ITGAL: variants seen among roughly 807,000 people sequenced by gnomAD.
ITGAL encodes integrin alpha-L.
ITGAL carries 68 observed loss-of-function variants against 138.4 expected under a neutral mutation model. The observed-to-expected ratio is 0.49, with a 90% CI of 0.40 to 0.60. The LOEUF is 0.60. ITGAL is among the 20% of genes least tolerant of loss of function. The probability of loss-of-function intolerance (pLI) is 0.00; values close to 1 mark genes in which losing one functional copy is unlikely to be tolerated. For missense variants in ITGAL, 1,256 were observed against 1,478.6 expected, an observed-to-expected ratio of 0.85 and a Z score of 2.47; for synonymous variants, 561 against 584.3, an observed-to-expected ratio of 0.96 and a Z score of 0.57.
chr16:30,520,045 G>A (rs2051230239), intron 30 of ITGAL, 78 bp downstream of exon 30: 1 of 1,098,190 alleles, frequency 9.1e-7, no homozygotes, highest in South Asian at 1.3e-5. Flanking sequence ...CCAGGGAGGA[G>A]AATACCAAGC....
In ITGAL at chr16:30,521,749, T is replaced by C; in HGVS notation, c.*84T>C. Reference sequence around the variant, plus strand: ...CTGCCTCTGCCTGCATTCTGCCGTGTGCCCTCGGGCGAGTCACTGCCTCTC... The same window carrying C: ...CTGCCTCTGCCTGCATTCTGCCGTGCGCCCTCGGGCGAGTCACTGCCTCTC... On this transcript the variant is annotated 3_prime_UTR_variant, in exon 31 of 31. Coordinates refer to ENST00000356798, the MANE Select transcript of ITGAL (RefSeq NM_002209.3). 1.4e-6 allele frequency: 2 copies of C among 1,391,068 alleles called. No homozygotes were observed. The highest frequency in any genetic ancestry group is 1.3e-5 in the South Asian group (1 of 75,802). The allele number at this position is 1,391,068 out of a possible 1,614,324, so 86.2% of individuals were successfully genotyped here.
At position 30,506,788 on chromosome 16, in the gene ITGAL, G is replaced by A; in HGVS notation, c.2440G>A (p.Ala814Thr). 1 of 1,613,910 alleles carries A rather than the reference G, an allele frequency of 6.2e-7. No homozygotes were observed. The highest frequency in any genetic ancestry group is 8.5e-7 in the Non-Finnish European group (1 of 1,179,910). Reference sequence around the variant, plus strand: ...GAGCCTGAGTAACTTGGAAGAAGATGCTTACTGGGTCCAGCTGGACCTGCA... The same window carrying A: ...GAGCCTGAGTAACTTGGAAGAAGATACTTACTGGGTCCAGCTGGACCTGCA... ...ELSLSNLEED[A>T]YWVQLDLHFP... The change falls in exon 21 of 31, where the codon GCT becomes ACT. Residue 814 changes from alanine to threonine, a missense_variant. Physicochemically the swap from Ala to Thr is moderately conservative, Grantham distance 58. Around this residue, in one of 3 missense-constraint regions of ITGAL, gnomAD observed 867 missense variants for 972.5 expected, o/e 0.89. Transcript: ENST00000356798.
Position 30,494,112 on chromosome 16 carries a change from C to A in ITGAL, c.1214-100C>A. ...GGTCTTCAGCTGTTTCCATGCATCT[C>A]TGCTACTAACCCAATTCCCTGGGGC... On this transcript the variant is annotated intron_variant, in intron 11 of 30. Coordinates refer to ENST00000356798, the MANE Select transcript of ITGAL (RefSeq NM_002209.3). This position sits in a 1 kb window ranked among gnomAD's most constrained non-coding sequence, Gnocchi z 4.2. The A allele has an allele frequency of 9.8e-7, 1 of 1,021,004 alleles. No individual in the cohort carries two copies. The highest frequency in any genetic ancestry group is 1.4e-6 in the Non-Finnish European group (1 of 694,656). 63.2% of individuals were successfully genotyped at this position (1,021,004 alleles called of 1,614,324 possible). A position where few individuals can be genotyped will look rare whatever the true frequency, so the allele number is the denominator to read the frequency against.
At chr16:30,513,748 T>C (rs766162404) in intron 24 of ITGAL, 23 bp from the exon 25 acceptor site, 1 of 1,600,404 alleles carries the variant, frequency 6.2e-7, no homozygotes, top group African/African-American at 1.3e-5. Context: ...CGTTCTTCCA[T>C]CGCTGCCCTT....
intron 9 of ITGAL, among the ~76,000 whole-genome samples, chr16:30,484,470 G>A (rs1344093372): frequency 1.3e-5 from 2 of 151,588 alleles, no homozygotes; most frequent in East Asian, 2.0e-4. Flanking sequence ...ATAGCCAGGT[G>A]TGGTGGTGGG....
At chr16:30,511,803 A>G (rs1220295021) in intron 24 of ITGAL, among the ~76,000 whole-genome samples, 1 of 152,232 alleles carries the variant, frequency 6.6e-6, no homozygotes, top group East Asian at 1.9e-4. Context: ...TGGGTTTGTA[A>G]CTGAACTCTG....
At chr16:30,492,268 T>C (rs2050733990) in intron 11 of ITGAL, among the ~76,000 whole-genome samples, 1 of 151,684 alleles carries the variant, frequency 6.6e-6, no homozygotes. Context: ...TTTTTTTTTT[T>C]TTGAGACTGA....
chr16:30,517,865 C>A lies in ITGAL; in HGVS notation c.3102C>A (p.Ile1034=), dbSNP rs766847705. The A allele has an allele frequency of 6.2e-7, 1 of 1,614,078 alleles. No individual in the cohort carries two copies. Among genetic ancestry groups the A allele is most frequent in the South Asian group, 1.1e-5 (1 of 91,080 alleles). The change falls in exon 28 of 31, where the codon ATC becomes ATA. Residue 1034 remains isoleucine, a synonymous_variant. Transcript: ENST00000356798. ...GGCAGGAGATCCTCGTCCAAGTGAT[C>A]GGGACTCTGGAGCTGGTGGGAGAGA... ...VFRQEILVQV[I]GTLELVGEIE...
At chr16:30,482,175 G>A (rs1174866357) in intron 7 of ITGAL, among the ~76,000 whole-genome samples, 1 of 152,130 alleles carries the variant, frequency 6.6e-6, no homozygotes. Context: ...GATTACAGGT[G>A]TGAGTCACCA....
chr16:30,516,391 G>A (rs1244021807), intron 25 of ITGAL, among the ~76,000 whole-genome samples: 2 of 151,956 alleles, frequency 1.3e-5, no homozygotes, highest in African/African-American at 4.8e-5. Context: ...CACCACACCT[G>A]GCTAATTTTT....
intron 11 of ITGAL, among the ~76,000 whole-genome samples, chr16:30,489,742 C>T (rs1226520910): frequency 6.6e-6 from 1 of 151,976 alleles, no homozygotes; most frequent in Non-Finnish European, 1.5e-5. Context: ...TCAAGACCAG[C>T]ATGGCCAACA....
At chr16:30,493,590 A>G (rs1394797975) in intron 11 of ITGAL, among the ~76,000 whole-genome samples, 1 of 151,980 alleles carries the variant, frequency 6.6e-6, no homozygotes, top group Non-Finnish European at 1.5e-5. Flanking sequence ...ATTTTAATTT[A>G]TTATTTAAGA....
At chr16:30,510,141 G>A (rs1429362759) in intron 21 of ITGAL, among the ~76,000 whole-genome samples, 2 of 152,040 alleles carry the variant, frequency 1.3e-5, no homozygotes, top group Non-Finnish European at 2.9e-5. Flanking sequence ...CAGCCTCCCT[G>A]AGTGCTGGGA....
At position 30,494,144 on chromosome 16, in the gene ITGAL, C is replaced by T; in HGVS notation, c.1214-68C>T. 1 of 1,438,302 alleles carries T rather than the reference C, an allele frequency of 7.0e-7. No homozygotes were observed. Among genetic ancestry groups the T allele is most frequent in the Non-Finnish European group, 9.4e-7 (1 of 1,059,690 alleles). The allele number at this position is 1,438,302 out of a possible 1,614,324, so 89.1% of individuals were successfully genotyped here. On this transcript the variant is annotated intron_variant, in intron 11 of 30. Transcript: ENST00000356798. This position sits in a 1 kb window ranked among gnomAD's most constrained non-coding sequence, Gnocchi z 4.2. ...TAACCCAATTCCCTGGGGCCCCTGC[C>T]CCTCTCCTGCTGGGTGTTCTTCCAG...
At chr16:30,473,366 G>A (rs2050420599) in intron 1 of ITGAL, among the ~76,000 whole-genome samples, 1 of 152,232 alleles carries the variant, frequency 6.6e-6, no homozygotes, top group African/African-American at 2.4e-5. Flanking sequence ...CCATGAGGCA[G>A]AGGTTGCAGT....
chr16:30,480,356 T>G (rs907151176), intron 6 of ITGAL, among the ~76,000 whole-genome samples: 3 of 152,198 alleles, frequency 2.0e-5, no homozygotes, highest in African/African-American at 4.8e-5. Flanking sequence ...TAAGTTCATG[T>G]GTTAAAGTTC....
At chr16:30,499,735 T>TA (rs1567478537) in intron 17 of ITGAL, among the ~76,000 whole-genome samples, 25 of 41,408 alleles carry the variant, frequency 6.0e-4, no homozygotes, top group South Asian at 3.2e-3. Flanking sequence ...ATATATATAT[T>TA]TTTTTTTTTT....
chr16:30,489,892 C>T (rs753019182), intron 11 of ITGAL, among the ~76,000 whole-genome samples: 2 of 151,018 alleles, frequency 1.3e-5, no homozygotes, highest in Non-Finnish European at 2.9e-5. Flanking sequence ...GTGGAGATCA[C>T]GCAGCTGCGC....
In ITGAL at chr16:30,519,923, G is replaced by A. The variant is rs751860400; in HGVS notation, c.3295G>A (p.Gly1099Arg). ...CTACCTCTACGTGCTGAGCGGCATCGGGGGGCTGCTGCTGCTGCTGCTCAT... is the reference window on the plus strand; with the variant it reads ...CTACCTCTACGTGCTGAGCGGCATCAGGGGGCTGCTGCTGCTGCTGCTCAT... Reference protein sequence around the residue: ...MLYLYVLSGIGGLLLLLLIFI... With the variant: ...MLYLYVLSGIRGLLLLLLIFI... The change falls in exon 30 of 31, where the codon GGG becomes AGG. Residue 1099 changes from glycine to arginine, a missense_variant. By Grantham distance (125) the Gly-to-Arg change is moderately radical. Transcript: ENST00000356798. The A allele has an allele frequency of 7.4e-6, 12 of 1,613,376 alleles. No individual in the cohort carries two copies. The highest frequency in any genetic ancestry group is 1.1e-5 in the South Asian group (1 of 91,078).
Sources: allele counts gnomAD v4.1 joint callset (sites outside exome capture counted in the v4.1 genomes callset), GRCh38; gene constraint gnomAD v4.1.1; regional missense constraint gnomAD v4.1.1; non-coding constraint Gnocchi (gnomAD v3.1); transcripts MANE v1.5; gene names NCBI Gene and HGNC (gene_info 2026-07-23, HGNC 2026-07-21).